The following VPS37B variants were observed in gnomAD, a reference collection of about 807,000 sequenced individuals.
The protein encoded by VPS37B is vacuolar protein sorting-associated protein 37B.
In VPS37B, 11 loss-of-function variants were observed where a neutral mutation model predicts 21.2. That is an observed-to-expected ratio of 0.52 (90% CI 0.33 to 0.86). The LOEUF (loss-of-function observed/expected upper bound fraction) is 0.86, where lower values mean the gene tolerates loss of function less well. VPS37B is among the 40% of genes least tolerant of loss of function. The pLI, the probability that VPS37B is intolerant of heterozygous loss-of-function variation, is 0.03. For synonymous variants in VPS37B, 175 were observed against 159.6 expected (o/e 1.10, Z -0.73); for missense variants, 389 against 374.8 (o/e 1.04, Z -0.31).
intron 1 of VPS37B, 27 bp downstream of exon 1, chr12:122,895,925 C>T (rs776521558): frequency 2.0e-5 from 32 of 1,604,486 alleles, no homozygotes; most frequent in Non-Finnish European, 2.3e-5. Flanking sequence ...GCCTCACAGC[C>T]GCCGCCTTAA....
At chr12:122,892,104 A>T (rs2034421130) in intron 1 of VPS37B, among the ~76,000 whole-genome samples, 1 of 152,242 alleles carries the variant, frequency 6.6e-6, no homozygotes, top group Non-Finnish European at 1.5e-5. Flanking sequence ...ATGTTGACAG[A>T]TGAAGGCACA....
At chr12:122,890,575 A>T (rs1341140095) in intron 1 of VPS37B, among the ~76,000 whole-genome samples, 1 of 152,056 alleles carries the variant, frequency 6.6e-6, no homozygotes, top group Non-Finnish European at 1.5e-5. Flanking sequence ...TAATCTTCCC[A>T]CCTCGGCCTC....
intron 1 of VPS37B, among the ~76,000 whole-genome samples, chr12:122,893,431 ATGTT>A (rs898294284): frequency 6.6e-6 from 1 of 151,644 alleles, no homozygotes; most frequent in Non-Finnish European, 1.5e-5. Flanking sequence ...CAAAACCAGA[ATGTT>A]CTTTAACACG....
rs2033934967 is a variant in VPS37B, at chr12:122,867,681, G to C, written c.367-74C>G. ...GCTCCCTTCGTGGTCTAGGCACAAG[G>C]AGAGGCAACGCCCAGCTGCTTCCAA... On this transcript the variant is annotated intron_variant, in intron 3 of 3. Coordinates refer to ENST00000267202, the MANE Select transcript of VPS37B (RefSeq NM_024667.3). This position sits in a 1 kb window ranked among gnomAD's most constrained non-coding sequence, Gnocchi z 5.5. 4.4e-6 allele frequency: 7 copies of C among 1,589,816 alleles called. No homozygotes were observed. The highest frequency in any genetic ancestry group is 4.0e-5 in the African/African-American group (3 of 74,522).
chr12:122,866,313 G>C lies in VPS37B; in HGVS notation c.*803C>G, dbSNP rs1288656331. ...TTATAAAATTTCCCTGAATGGTCTT[G>C]GGAGTGTCAAAAAAGTTTTTTCAAT... On this transcript the variant is annotated 3_prime_UTR_variant, in exon 4 of 4. Transcript: ENST00000267202. 6.6e-6 allele frequency: 1 copy of C among 152,612 alleles called. No individual in the cohort carries two copies. Among genetic ancestry groups the C allele is most frequent in the African/African-American group, 2.4e-5 (1 of 41,446 alleles). 9.5% of individuals were successfully genotyped at this position (152,612 alleles called of 1,614,324 possible).
intron 1 of VPS37B, among the ~76,000 whole-genome samples, chr12:122,893,456 T>C (rs544146495): frequency 3.2e-5 from 3 of 95,018 alleles, no homozygotes; most frequent in African/African-American, 1.3e-4. Context: ...CCATCACAAA[T>C]GTTCCATTTG....
At chr12:122,880,308 G>GA (rs2034227271) in intron 1 of VPS37B, 1 of 152,186 alleles carries the variant, frequency 6.6e-6, no homozygotes, top group African/African-American at 2.4e-5. Context: ...GTTTGGCAGT[G>GA]AAATGGAAAG....
intron 1 of VPS37B, among the ~76,000 whole-genome samples, chr12:122,895,300 G>A (rs559501113): frequency 6.6e-6 from 1 of 151,776 alleles, no homozygotes; most frequent in South Asian, 2.1e-4. Context: ...CCTCTCCTAA[G>A]AGTCCTATTT....
Position 122,868,630 on chromosome 12 carries a change from C to A in VPS37B, c.284-68G>T. 7.3e-7 allele frequency: 1 copy of A among 1,377,766 alleles called. No homozygotes were observed. The highest frequency in any genetic ancestry group is 1.2e-5 in the South Asian group (1 of 83,134). The allele number at this position is 1,377,766 out of a possible 1,614,324, so 85.3% of individuals were successfully genotyped here. A position where few individuals can be genotyped will look rare whatever the true frequency, so the allele number is the denominator to read the frequency against. On this transcript the variant is annotated intron_variant, in intron 2 of 3. Transcript: ENST00000267202. This position sits in a 1 kb window ranked among gnomAD's most constrained non-coding sequence, Gnocchi z 5.5. ...AGGTAAAGCCCTTCATGATGCCAAC[C>A]ACGGCAGGATTGCACCTTCCTTTCC...
In VPS37B at chr12:122,868,920, A is replaced by T. The variant is rs2033963716; in HGVS notation, c.284-358T>A. Among the ~76,000 whole-genome samples, 2 of 152,058 alleles carry T rather than the reference A, an allele frequency of 1.3e-5. No homozygotes were observed. The highest frequency in any genetic ancestry group is 2.9e-5 in the Non-Finnish European group (2 of 68,002). On this transcript the variant is annotated intron_variant, in intron 2 of 3. Coordinates refer to ENST00000267202, the MANE Select transcript of VPS37B (RefSeq NM_024667.3). This position sits in a 1 kb window ranked among gnomAD's most constrained non-coding sequence, Gnocchi z 5.5. ...TTAACCGCCAACCACCACCCCCCAG[A>T]TCCAGACACAGAACCTTTCCACCGG...
In VPS37B at chr12:122,865,710, A is replaced by C. The variant is rs1310420803; in HGVS notation, c.*1406T>G. On this transcript the variant is annotated 3_prime_UTR_variant, in exon 4 of 4. Coordinates refer to ENST00000267202, the MANE Select transcript of VPS37B (RefSeq NM_024667.3). The stretch of plus-strand genomic sequence containing the variant: ...TGGCCCGTGGCCCAGACCCCGCTTC[A>C]GTTCTGCCTTCTGTCACCCTGGCGG... 1.3e-5 allele frequency: 2 copies of C among 152,292 alleles called. No homozygotes were observed. The highest frequency in any genetic ancestry group is 2.9e-5 in the Non-Finnish European group (2 of 68,074). 9.4% of individuals were successfully genotyped at this position (152,292 alleles called of 1,614,324 possible).
intron 1 of VPS37B, chr12:122,871,456 T>G: frequency 7.1e-6 from 7 of 991,572 alleles, no homozygotes; most frequent in Non-Finnish European, 8.4e-6. Context: ...CCGAGGAAGT[T>G]AAGGAATCAC....
rs1309350120 is a variant in VPS37B at position 122,892,375 on chromosome 12, G to A, written c.111+3577C>T. Among the ~76,000 whole-genome samples, 4 of 152,142 alleles carry A rather than the reference G, an allele frequency of 2.6e-5. No homozygotes were observed. In the East Asian group the frequency reaches 7.7e-4, roughly 29 times the overall value. ...TAAAACAATGTAAGTGACGCATAAT[G>A]AACAGCTGCACTTAAACCTAACAGT... On this transcript the variant is annotated intron_variant, in intron 1 of 3. Transcript: ENST00000267202.
chr12:122,875,826 A>G (rs1210130258), intron 1 of VPS37B: 1 of 145,452 alleles, frequency 6.9e-6, no homozygotes, highest in Non-Finnish European at 1.5e-5. Context: ...TTAGAGAGGT[A>G]TTTTAGGAAC....
At chr12:122,874,448 A>G (rs536913859) in intron 1 of VPS37B, 17 of 152,318 alleles carry the variant, frequency 1.1e-4, no homozygotes, top group African/African-American at 3.6e-4. Context: ...TGCATCTACA[A>G]ACAAAATCTT....
At chr12:122,872,585 A>G (rs1411886575) in intron 1 of VPS37B, 6 of 985,196 alleles carry the variant, frequency 6.1e-6, no homozygotes, top group Non-Finnish European at 7.2e-6. Flanking sequence ...GGCTCCCGTC[A>G]CCCGCTTCCC....
chr12:122,895,889 C>T, intron 1 of VPS37B, 63 bp downstream of exon 1: 1 of 1,501,926 alleles, frequency 6.7e-7, no homozygotes, highest in South Asian at 1.1e-5. Flanking sequence ...CTCCGGCCAC[C>T]GTTCGAGGAG....
Position 122,867,034 on chromosome 12 carries a change from A to T in VPS37B, c.*82T>A. The T allele has an allele frequency of 7.0e-7, 1 of 1,436,038 alleles. No individual in the cohort carries two copies. Among genetic ancestry groups the T allele is most frequent in the Non-Finnish European group, 9.2e-7 (1 of 1,092,438 alleles). 89.0% of individuals were successfully genotyped at this position (1,436,038 alleles called of 1,614,324 possible). A position where few individuals can be genotyped will look rare whatever the true frequency, so the allele number is the denominator to read the frequency against. On this transcript the variant is annotated 3_prime_UTR_variant, in exon 4 of 4. Transcript: ENST00000267202. The surrounding 1 kb of genome is among the most constrained non-coding windows in gnomAD (Gnocchi z 5.5). ...CAGGGCCCCAGAGCCCTTGGCACAG[A>T]GCGGACCTCCAGCCTCCTTCCCGTG...
Position 122,866,889 on chromosome 12 carries a change from G to A in VPS37B, c.*227C>T, listed in dbSNP as rs537031814. 204 of 458,008 alleles carry A rather than the reference G, an allele frequency of 4.5e-4. 1 individual carries two copies. The highest frequency in any genetic ancestry group is 3.3e-3 in the African/African-American group (164 of 49,756). 28.4% of individuals were successfully genotyped at this position (458,008 alleles called of 1,614,324 possible). The stretch of plus-strand genomic sequence containing the variant: ...AGAAATCACACGGATAATGCAAACC[G>A]ATGCAACGCACAGGTGTCAGGCTGT... On this transcript the variant is annotated 3_prime_UTR_variant, in exon 4 of 4. Transcript: ENST00000267202.
Sources: allele counts gnomAD v4.1 joint callset (sites outside exome capture counted in the v4.1 genomes callset), GRCh38; gene constraint gnomAD v4.1.1; non-coding constraint Gnocchi (gnomAD v3.1); transcripts MANE v1.5; gene names NCBI Gene and HGNC (gene_info 2026-07-23, HGNC 2026-07-21).